The following DCST2 variants were observed in gnomAD, a reference collection of about 807,000 sequenced individuals.
The protein encoded by DCST2 is DC-STAMP domain-containing protein 2.
A neutral mutation model predicts 81.8 loss-of-function variants in DCST2; 64 were observed. That is an observed-to-expected ratio of 0.78 (90% CI 0.64 to 0.96). The LOEUF (loss-of-function observed/expected upper bound fraction) is 0.96. Among genes scored for constraint, DCST2 ranks in the 40% least tolerant of loss-of-function variants. DCST2 has a pLI of 0.00. For missense variants in DCST2, 945 were observed against 1,001.4 expected (o/e 0.94, Z 0.76); for synonymous variants, 354 against 402.6 (o/e 0.88, Z 1.44).
At chr1:155,026,163 C>G in intron 10 of DCST2, 139 bp downstream of exon 10, 3 of 759,014 alleles carry the variant, frequency 4.0e-6, no homozygotes, top group Non-Finnish European at 6.4e-6. Context: ...CAGTCCAGGT[C>G]ATTTGCTTTG....
Position 155,023,266 on chromosome 1 carries a change from G to A in DCST2, c.1965-9C>T. On this transcript the variant is annotated splice_polypyrimidine_tract_variant and intron_variant, in intron 13 of 14. Coordinates refer to ENST00000368424, the MANE Select transcript of DCST2 (RefSeq NM_144622.3). ...CCTCATCGCTGGAGTCCCTGGAGAA[G>A]ACTCTCATCTCAGTGGCCTGCAGAC... is the stretch of plus-strand genomic sequence containing the variant. 1 of 1,614,086 alleles carries A rather than the reference G, an allele frequency of 6.2e-7. No homozygotes were observed. Among genetic ancestry groups the A allele is most frequent in the Non-Finnish European group, 8.5e-7 (1 of 1,179,996 alleles).
intron 14 of DCST2, among the ~76,000 whole-genome samples, chr1:155,019,979 T>C (rs1659702331): frequency 6.6e-6 from 1 of 152,208 alleles, no homozygotes; most frequent in Non-Finnish European, 1.5e-5. Context: ...GCAGGTGCTC[T>C]TGCCTCCTAC....
chr1:155,022,248 A>C (rs2102333880), intron 14 of DCST2, among the ~76,000 whole-genome samples: 1 of 152,140 alleles, frequency 6.6e-6, no homozygotes, highest in South Asian at 2.1e-4. Context: ...GTTCTTGCCC[A>C]TCTCTTCCCA....
intron 3 of DCST2, among the ~76,000 whole-genome samples, chr1:155,032,317 A>G (rs1165107513): frequency 1.0e-4 from 14 of 140,008 alleles, no homozygotes; most frequent in African/African-American, 3.8e-4. Flanking sequence ...TTCTTTAGAG[A>G]TGGAGTCTCA....
chr1:155,033,580 C>T lies in DCST2; in HGVS notation c.122G>A (p.Gly41Glu), dbSNP rs757635178. The change falls in exon 1 of 15, where the codon GGG becomes GAG. Residue 41 changes from glycine to glutamate, a missense_variant. Coordinates refer to ENST00000368424, the MANE Select transcript of DCST2 (RefSeq NM_144622.3). ...TLGLSLATAY[G>E]LLELLVEGHS... ...GCCTTCCACCAGTAGCTCCAGAAGC[C>T]CGTAGGCCGTGGCTAAAGACAAGCC... The T allele has an allele frequency of 1.2e-6, 2 of 1,614,182 alleles. No individual in the cohort carries two copies. The highest frequency in any genetic ancestry group is 1.7e-6 in the Non-Finnish European group (2 of 1,180,026).
chr1:155,018,616 A>G lies in DCST2; in HGVS notation c.2250T>C (p.Thr750=). The change falls in exon 15 of 15, where the codon ACT becomes ACC. Residue 750 remains threonine, a synonymous_variant. Coordinates refer to ENST00000368424, the MANE Select transcript of DCST2 (RefSeq NM_144622.3). ...GAGGGACTGAGGGTTCTGAAGCTGGAGTGGGGGCTCCTTTAGTGGCGGAGG... is the reference window on the plus strand; with the variant it reads ...GAGGGACTGAGGGTTCTGAAGCTGGGGTGGGGGCTCCTTTAGTGGCGGAGG... ...ETSSATKGAP[T]PASEPSVPLS... 6.2e-7 allele frequency: 1 copy of G among 1,613,082 alleles called. No individual in the cohort carries two copies. Among genetic ancestry groups the G allele is most frequent in the East Asian group, 2.2e-5 (1 of 44,838 alleles).
chr1:155,032,811 AG>A lies in DCST2; in HGVS notation c.440-44del. ...GAGGCACTTTGGAGTCTTCTCCTCTAGGGGCTGGTTCTCACCATTGCCCCTT... is the reference window on the plus strand; with the variant it reads ...GAGGCACTTTGGAGTCTTCTCCTCTAGGGCTGGTTCTCACCATTGCCCCTT... On this transcript the variant is annotated intron_variant, in intron 2 of 14. Coordinates refer to ENST00000368424, the MANE Select transcript of DCST2 (RefSeq NM_144622.3). 2.6e-6 allele frequency: 4 copies of A among 1,559,090 alleles called. No individual in the cohort carries two copies. In the South Asian group the frequency reaches 3.3e-5, roughly 13 times the overall value.
chr1:155,027,421 C>T (rs1659944877), intron 8 of DCST2, among the ~76,000 whole-genome samples: 1 of 140,744 alleles, frequency 7.1e-6, no homozygotes, highest in African/African-American at 2.6e-5. Flanking sequence ...GCTAGGATTA[C>T]AGGTGTGAGC....
At position 155,030,606 on chromosome 1, in the gene DCST2, T is replaced by G. The variant is rs755608584; in HGVS notation, c.845A>C (p.Glu282Ala). Residue 282 changes from glutamate (E) to alanine (A), a missense_variant, in exon 6 of 15, where the codon GAG becomes GCG. Transcript: ENST00000368424. ...GTGGTGGGTGGCTGTCATGTTGAACTCAAACTCCTGACGCACCCGGTTGAG... is the reference window on the plus strand; with the variant it reads ...GTGGTGGGTGGCTGTCATGTTGAACGCAAACTCCTGACGCACCCGGTTGAG... ...QLLNRVRQEF[E>A]FNMTATHHFS... The G allele has an allele frequency of 1.9e-6, 3 of 1,614,020 alleles. No homozygotes were observed. In the South Asian group the frequency reaches 3.3e-5, roughly 18 times the overall value.
intron 14 of DCST2, among the ~76,000 whole-genome samples, chr1:155,020,527 G>T (rs1466576214): frequency 6.6e-6 from 1 of 152,020 alleles, no homozygotes; most frequent in Admixed American, 6.6e-5. Context: ...CTGCCACCAT[G>T]CCTAATTTTT....
Position 155,033,674 on chromosome 1 carries a change from G to C in DCST2, c.28C>G (p.His10Asp), listed in dbSNP as rs370377585. MPKVMKDVV[H>D]PLGGEEPSMA... ...CTAGGCTCCTCTCCCCCCAAGGGGT[G>C]CACAACATCCTTCATGACTTTGGGC... Residue 10 changes from histidine (H) to aspartate (D), a missense_variant, in exon 1 of 15, where the codon CAC becomes GAC. Transcript: ENST00000368424. 14 of 1,613,952 alleles carry C rather than the reference G, an allele frequency of 8.7e-6. No homozygotes were observed. The African/African-American group carries it at 1.9e-4, about 22-fold the overall frequency.
In DCST2 at chr1:155,030,629, G is replaced by C. The variant is rs774551706; in HGVS notation, c.822C>G (p.Leu274=). The part of the protein sequence containing the change: ...QTIGTPVIQL[L]NRVRQEFEFN... ...ACTCAAACTCCTGACGCACCCGGTT[G>C]AGCAACTGAATCACGGCTGGGGCCA... The change falls in exon 6 of 15, where the codon CTC becomes CTG. Residue 274 remains leucine (L), a synonymous_variant. Transcript: ENST00000368424. The C allele has an allele frequency of 6.2e-7, 1 of 1,614,076 alleles. No homozygotes were observed. Among genetic ancestry groups the C allele is most frequent in the Admixed American group, 1.7e-5 (1 of 60,024 alleles).
chr1:155,019,892 A>C (rs1659698177), intron 14 of DCST2, among the ~76,000 whole-genome samples: 1 of 152,216 alleles, frequency 6.6e-6, no homozygotes, highest in Admixed American at 6.5e-5. Context: ...CACACTTGCC[A>C]CGGCAGGTCT....
chr1:155,023,689 A>G (rs149663546), intron 12 of DCST2, 143 bp downstream of exon 12: 15 of 1,564,018 alleles, frequency 9.6e-6, no homozygotes, highest in Admixed American at 2.0e-5. Flanking sequence ...GCTCTGTGTA[A>G]ATGAGAACGT....
Position 155,018,632 on chromosome 1 carries a change from G to A in DCST2, c.2234C>T (p.Thr745Ile). The A allele has an allele frequency of 1.2e-6, 2 of 1,613,884 alleles. No homozygotes were observed. Among genetic ancestry groups the A allele is most frequent in the South Asian group, 1.1e-5 (1 of 91,088 alleles). ...TGAAGCTGGAGTGGGGGCTCCTTTA[G>A]TGGCGGAGGATGTCTCAGGTGGTCT... Reference protein sequence around the residue: ...PHRPPETSSATKGAPTPASEP... With the variant: ...PHRPPETSSAIKGAPTPASEP... The change falls in exon 15 of 15, where the codon ACT becomes ATT. Residue 745 changes from threonine (T) to isoleucine (I), a missense_variant. By Grantham distance (89) the Thr-to-Ile change is moderately conservative. Coordinates refer to ENST00000368424, the MANE Select transcript of DCST2 (RefSeq NM_144622.3).
At chr1:155,027,775 C>A (rs1489898649) in intron 8 of DCST2, among the ~76,000 whole-genome samples, 1 of 150,696 alleles carries the variant, frequency 6.6e-6, no homozygotes, top group Non-Finnish European at 1.5e-5. Flanking sequence ...GTTGGCCATG[C>A]TGGTCTTGAA....
At chr1:155,024,348 A>G (rs1170018864) in intron 11 of DCST2, 124 bp downstream of exon 11, 2 of 1,324,222 alleles carry the variant, frequency 1.5e-6, no homozygotes, top group Non-Finnish European at 2.0e-6. Context: ...CGTTAAGGGT[A>G]TGCAATGGGC....
chr1:155,020,873 A>G (rs1659733034), intron 14 of DCST2, among the ~76,000 whole-genome samples: 1 of 151,260 alleles, frequency 6.6e-6, no homozygotes, highest in South Asian at 2.1e-4. Flanking sequence ...CCCAGGCTGG[A>G]GTGCAGTGGT....
chr1:155,030,478 G>C lies in DCST2; in HGVS notation c.973C>G (p.Leu325Val), dbSNP rs199767411. The part of the protein sequence containing the change: ...KLHRVREALA[L>V]MGFTTPLLLV... Reference sequence around the variant, plus strand: ...AGCAGAGGCGTGGTGAAGCCCATCAGAGCCAGGGCCTCTCGGACACGGTGC... The same window carrying C: ...AGCAGAGGCGTGGTGAAGCCCATCACAGCCAGGGCCTCTCGGACACGGTGC... Residue 325 changes from leucine (L) to valine (V), a missense_variant, in exon 6 of 15, where the codon CTG (leucine) becomes GTG (valine). Leu to Val is a conservative substitution (Grantham distance 32, BLOSUM62 1). Coordinates refer to ENST00000368424, the MANE Select transcript of DCST2 (RefSeq NM_144622.3). The C allele has an allele frequency of 1.2e-6, 2 of 1,614,100 alleles. No homozygotes were observed. The highest frequency in any genetic ancestry group is 1.7e-6 in the Non-Finnish European group (2 of 1,180,018).
Sources: allele counts gnomAD v4.1 joint callset (sites outside exome capture counted in the v4.1 genomes callset), GRCh38; gene constraint gnomAD v4.1.1; transcripts MANE v1.5; gene names NCBI Gene and HGNC (gene_info 2026-07-23, HGNC 2026-07-21).